Variants in LAMC1 observed in about 807,000 individuals in gnomAD.
LAMC1 encodes the protein laminin subunit gamma-1.
A neutral mutation model predicts 173.6 loss-of-function variants in LAMC1; 38 were observed. The observed-to-expected ratio is 0.22, with a 90% CI of 0.17 to 0.29. The LOEUF is 0.29. LAMC1 is among the 10% of genes least tolerant of loss of function. The pLI is 1.00. For missense variants in LAMC1, 1,824 were observed against 2,051.8 expected (o/e 0.89, Z 2.14); for synonymous variants, 746 against 749.1 (o/e 1.00, Z 0.07).
intron 1 of LAMC1, among the ~76,000 whole-genome samples, chr1:183,046,948 A>G (rs1037833597): frequency 2.8e-4 from 42 of 152,222 alleles, no homozygotes; most frequent in African/African-American, 9.9e-4. Flanking sequence ...GTTGCATAAT[A>G]TTTATTTCTG....
chr1:183,114,379 G>C (rs1656257858), intron 4 of LAMC1, 152 bp from the exon 5 acceptor site: 1 of 805,096 alleles, frequency 1.2e-6, no homozygotes, highest in African/African-American at 1.7e-5. Flanking sequence ...CCTTCTTGTT[G>C]TTGTTAATGA....
At chr1:183,076,349 T>C (rs1340045925) in intron 1 of LAMC1, among the ~76,000 whole-genome samples, 1 of 152,228 alleles carries the variant, frequency 6.6e-6, no homozygotes, top group Non-Finnish European at 1.5e-5. Context: ...ACATTTTGTC[T>C]AATTGAGATT....
chr1:183,117,590 C>G lies in LAMC1; in HGVS notation c.1744C>G (p.Arg582Gly), dbSNP rs866469269. The G allele has an allele frequency of 4.3e-6, 7 of 1,614,050 alleles. No homozygotes were observed. The highest frequency in any genetic ancestry group is 5.9e-6 in the Non-Finnish European group (7 of 1,180,040). ...TGGTCAGAACCTCTCCTTCTCCTTT[C>G]GAGTGGACAGGCGAGATACTCGCCT... ...SYGQNLSFSF[R>G]VDRRDTRLSA... Residue 582 changes from arginine to glycine, a missense_variant, in exon 10 of 28, where the codon CGA becomes GGA. Coordinates refer to ENST00000258341, the MANE Select transcript of LAMC1 (RefSeq NM_002293.4).
intron 4 of LAMC1, 75 bp downstream of exon 4, chr1:183,110,729 C>T (rs1047344622): frequency 1.4e-6 from 2 of 1,407,202 alleles, no homozygotes; most frequent in Non-Finnish European, 2.0e-6. Flanking sequence ...GGGTGACTTT[C>T]TTTTATTCCT....
rs761852608 is a variant in LAMC1, at chr1:183,114,682, C to T, written c.1173C>T (p.Asn391=). The part of the protein sequence containing the change: ...RCRENFFRLG[N]NEACSSCHCS... ...GAGAGAACTTCTTCCGCCTTGGCAA[C>T]AATGAAGCCTGCTCTTCATGCCACT... The change falls in exon 5 of 28, where the codon AAC becomes AAT. Residue 391 remains asparagine (N), a synonymous_variant. Coordinates refer to ENST00000258341, the MANE Select transcript of LAMC1 (RefSeq NM_002293.4). 2.7e-5 allele frequency: 43 copies of T among 1,614,032 alleles called. No homozygotes were observed. In the Admixed American group the frequency reaches 7.2e-4, roughly 27 times the overall value.
intron 1 of LAMC1, among the ~76,000 whole-genome samples, chr1:183,029,318 T>C (rs1479660177): frequency 6.6e-6 from 1 of 152,212 alleles, no homozygotes; most frequent in African/African-American, 2.4e-5. Flanking sequence ...TAAGTTCCCA[T>C]TGCATTTCAC....
chr1:183,076,328 A>G (rs1281606281), intron 1 of LAMC1, among the ~76,000 whole-genome samples: 2 of 152,212 alleles, frequency 1.3e-5, no homozygotes, highest in Non-Finnish European at 2.9e-5. Context: ...ATCCCTGAGT[A>G]GGGAAGAAGG....
intron 1 of LAMC1, among the ~76,000 whole-genome samples, chr1:183,095,287 C>T (rs1180767284): frequency 6.6e-6 from 1 of 151,906 alleles, no homozygotes; most frequent in African/African-American, 2.4e-5. Context: ...ATTACTATAC[C>T]ACCGTGACTA....
At chr1:183,117,834 T>A in intron 10 of LAMC1, 111 bp downstream of exon 10, 1 of 1,003,582 alleles carries the variant, frequency 1.0e-6, no homozygotes, top group African/African-American at 1.6e-5. Context: ...TTCTGGGTTA[T>A]TGTGGTGATT....
At chr1:183,111,229 G>A (rs1475639901) in intron 4 of LAMC1, among the ~76,000 whole-genome samples, 3 of 151,894 alleles carry the variant, frequency 2.0e-5, no homozygotes, top group Non-Finnish European at 4.4e-5. Flanking sequence ...TGGGATTACA[G>A]GTGCATGCCA....
intron 1 of LAMC1, among the ~76,000 whole-genome samples, chr1:183,078,792 C>G (rs1166760628): frequency 6.6e-6 from 1 of 152,100 alleles, no homozygotes; most frequent in Non-Finnish European, 1.5e-5. Context: ...AGGCGGATCA[C>G]CTGAGGTCAG....
intron 1 of LAMC1, among the ~76,000 whole-genome samples, chr1:183,087,194 A>G (rs1166224103): frequency 6.6e-6 from 1 of 152,100 alleles, no homozygotes; most frequent in Non-Finnish European, 1.5e-5. Context: ...GCACTGAGTA[A>G]ATTTCAGGGT....
chr1:183,058,009 C>T (rs1654641178), intron 1 of LAMC1, among the ~76,000 whole-genome samples: 1 of 152,158 alleles, frequency 6.6e-6, no homozygotes, highest in Non-Finnish European at 1.5e-5. Flanking sequence ...TAGCAGACTT[C>T]ATCTCTTTTT....
At position 183,134,756 on chromosome 1, in the gene LAMC1, G is replaced by C; in HGVS notation, c.3946G>C (p.Gly1316Arg). 1 of 1,613,650 alleles carries C rather than the reference G, an allele frequency of 6.2e-7. No individual in the cohort carries two copies. The highest frequency in any genetic ancestry group is 8.5e-7 in the Non-Finnish European group (1 of 1,179,692). Residue 1316 changes from glycine (G) to arginine (R), a missense_variant, in exon 23 of 28, where the codon GGG (glycine) becomes CGG (arginine). Transcript: ENST00000258341. ...TGAGGACCTCAGAGAAGATATGAGA[G>C]GGAAGGAACTTGAAGTCAAGAACCT... Reference protein sequence around the residue: ...DYEDLREDMRGKELEVKNLLE... With the variant: ...DYEDLREDMRRKELEVKNLLE...
chr1:183,039,770 G>A (rs1431718241), intron 1 of LAMC1, among the ~76,000 whole-genome samples: 3 of 152,256 alleles, frequency 2.0e-5, no homozygotes, highest in East Asian at 3.9e-4. Flanking sequence ...ACTGATTCTG[G>A]AATTAACATA....
At chr1:183,030,726 T>G (rs1216629851) in intron 1 of LAMC1, among the ~76,000 whole-genome samples, 1 of 152,232 alleles carries the variant, frequency 6.6e-6, no homozygotes, top group Non-Finnish European at 1.5e-5. Context: ...TTATGTGACT[T>G]GAAGGCAGCC....
rs2093985 is a variant in LAMC1, at chr1:183,125,187, C to T, written c.2648-210C>T. On this transcript the variant is annotated intron_variant, in intron 14 of 27. Transcript: ENST00000258341. Reference sequence around the variant, plus strand: ...TTAATGAAATATATGTTTTTTCTCACGCTAAGCCTTCAAAATCCAGTGTGT... The same window carrying T: ...TTAATGAAATATATGTTTTTTCTCATGCTAAGCCTTCAAAATCCAGTGTGT... 0.55 allele frequency: 329,520 copies of T among 602,950 alleles called. 92,896 individuals carry two copies. Among genetic ancestry groups the T allele is most frequent in the South Asian group, 0.65 (31,219 of 48,088 alleles). The allele number at this position is 602,950 out of a possible 1,614,324, so 37.3% of individuals were successfully genotyped here.
rs776974385 is a variant in LAMC1, at chr1:183,132,507, C to G, written c.3674C>G (p.Thr1225Arg). 3.7e-6 allele frequency: 6 copies of G among 1,613,724 alleles called. No individual in the cohort carries two copies. In the African/African-American group the frequency reaches 8.0e-5, roughly 22 times the overall value. The change falls in exon 21 of 28, where the codon ACA becomes AGA. Residue 1225 changes from threonine (T) to arginine (R), a missense_variant. Physicochemically the swap from Thr to Arg is moderately conservative, Grantham distance 71. Transcript: ENST00000258341. ...LLRTLAGENQTAFEIEELNRK... is the reference protein window; with the variant it reads ...LLRTLAGENQRAFEIEELNRK... ...AGGACACTGGCAGGAGAAAATCAAA[C>G]AGCATTTGAGATTGAAGAGCTTAAT...
Position 183,142,697 on chromosome 1 carries a change from CGAG to C in LAMC1, c.4741_4743del (p.Glu1581del). The C allele has an allele frequency of 6.2e-7, 1 of 1,614,016 alleles. No individual in the cohort carries two copies. Among genetic ancestry groups the C allele is most frequent in the Non-Finnish European group, 8.5e-7 (1 of 1,179,956 alleles). ...CCATCATGGACTATAACCGAGATAT[CGAG>C]GAGATCATGAAGGACATTCGCAATC... On this transcript the variant is annotated inframe_deletion, in exon 28 of 28. Transcript: ENST00000258341.
Sources: allele counts gnomAD v4.1 joint callset (sites outside exome capture counted in the v4.1 genomes callset), GRCh38; gene constraint gnomAD v4.1.1; transcripts MANE v1.5; gene names NCBI Gene and HGNC (gene_info 2026-07-23, HGNC 2026-07-21).